The following ZNF253 variants were observed in gnomAD, a reference collection of about 807,000 sequenced individuals.
The protein encoded by ZNF253 is zinc finger protein 253, also known as DNA-binding protein.
Under a neutral mutation model 11.9 loss-of-function variants are expected in ZNF253, and 8 were observed. The observed-to-expected ratio is 0.67, with a 90% CI of 0.40 to 1.22. The LOEUF is 1.22. Ranked by LOEUF, ZNF253 falls within the 50% of genes most tolerant of loss-of-function variation. The pLI is 0.01. For synonymous variants in ZNF253, 194 were observed against 194.9 expected (o/e 1.00, Z 0.04); for missense variants, 485 against 586.9 (o/e 0.83, Z 1.79).
chr19:19,879,123 G>A (rs1275083895), intron 2 of ZNF253, among the ~76,000 whole-genome samples: 1 of 152,046 alleles, frequency 6.6e-6, no homozygotes, highest in Admixed American at 6.6e-5. Flanking sequence ...ATAGTATATT[G>A]CTACCATGTT....
chr19:19,878,409 A>G, intron 1 of ZNF253, 72 bp from the exon 2 acceptor site: 3 of 1,610,914 alleles, frequency 1.9e-6, no homozygotes, highest in Non-Finnish European at 2.5e-6. Context: ...TTACTCTCTA[A>G]TTTCACCTTA....
At chr19:19,886,779 T>C (rs1397510702) in intron 3 of ZNF253, among the ~76,000 whole-genome samples, 1 of 152,222 alleles carries the variant, frequency 6.6e-6, no homozygotes, top group African/African-American at 2.4e-5. Flanking sequence ...CTTTTTTCTT[T>C]ATAAATTATG....
chr19:19,867,182 A>C (rs2063115148), intron 1 of ZNF253, among the ~76,000 whole-genome samples: 1 of 152,156 alleles, frequency 6.6e-6, no homozygotes, highest in Non-Finnish European at 1.5e-5. Flanking sequence ...CTCTACTAAA[A>C]GTACAAAAAT....
At chr19:19,887,681 A>G (rs1444465459) in intron 3 of ZNF253, among the ~76,000 whole-genome samples, 1 of 152,010 alleles carries the variant, frequency 6.6e-6, no homozygotes, top group African/African-American at 2.4e-5. Flanking sequence ...ATTTACATGA[A>G]ATTTCTACTT....
rs559809697 is a variant in ZNF253 at position 19,894,310 on chromosome 19, A to G, written c.*1563A>G. 46 of 152,312 alleles carry G rather than the reference A, an allele frequency of 3.0e-4. No individual in the cohort carries two copies. The highest frequency in any genetic ancestry group is 1.2e-4 in the Non-Finnish European group (8 of 68,014). The allele number at this position is 152,312 out of a possible 1,614,324, so 9.4% of individuals were successfully genotyped here. On this transcript the variant is annotated 3_prime_UTR_variant, in exon 4 of 4. Coordinates refer to ENST00000589717, the MANE Select transcript of ZNF253 (RefSeq NM_021047.3). ...CTTTCACATTGCTTTATGCTATTTTATTCCTATTATATTCACATGTGAAAG... is the reference window on the plus strand; with the variant it reads ...CTTTCACATTGCTTTATGCTATTTTGTTCCTATTATATTCACATGTGAAAG...
At chr19:19,889,012 GTTATC>G (rs1409778313) in intron 3 of ZNF253, among the ~76,000 whole-genome samples, 1 of 151,942 alleles carries the variant, frequency 6.6e-6, no homozygotes, top group Non-Finnish European at 1.5e-5. Flanking sequence ...AAATTCACTG[GTTATC>G]TTATAAGACT....
chr19:19,874,063 C>A (rs1045070018), intron 1 of ZNF253, among the ~76,000 whole-genome samples: 6 of 152,100 alleles, frequency 3.9e-5, no homozygotes, highest in African/African-American at 1.4e-4. Flanking sequence ...TGCCCACCAC[C>A]ATGCCCAGCT....
rs181508243 is a variant in ZNF253, at chr19:19,883,473, A to G, written c.226+3327A>G. 2.1e-3 allele frequency among the ~76,000 whole-genome samples: 323 copies of G among 152,166 alleles called. 3 individuals carry two copies. The highest frequency in any genetic ancestry group is 7.4e-3 in the African/African-American group (306 of 41,520). ...AAAAAAAATTTAATAATAGCCAAGC[A>G]TGGTGGTGTGCACCTGTGGTCCCAG... On this transcript the variant is annotated intron_variant, in intron 3 of 3. Coordinates refer to ENST00000589717, the MANE Select transcript of ZNF253 (RefSeq NM_021047.3).
intron 3 of ZNF253, among the ~76,000 whole-genome samples, chr19:19,887,757 T>A (rs1015606191): frequency 4.7e-5 from 7 of 148,578 alleles, no homozygotes; most frequent in Non-Finnish European, 8.9e-5. Context: ...GCAAGTTGGA[T>A]CTTGATTTTT....
chr19:19,880,086 C>A lies in ZNF253; in HGVS notation c.166C>A (p.Leu56Met), dbSNP rs746287183. Residue 56 changes from leucine to methionine, a missense_variant, in exon 3 of 4, where the codon CTG becomes ATG. Coordinates refer to ENST00000589717, the MANE Select transcript of ZNF253 (RefSeq NM_021047.3). The stretch of plus-strand genomic sequence containing the variant: ...CTCTAAGCCAGACCTGGTTACCTGT[C>A]TGGAGCAAGGAAAAAAACCTTTAAC... ...VVSKPDLVTC[L>M]EQGKKPLTME... is the part of the protein sequence containing the mutation. The A allele has an allele frequency of 1.2e-6, 2 of 1,608,872 alleles. No homozygotes were observed. Among genetic ancestry groups the A allele is most frequent in the Non-Finnish European group, 1.7e-6 (2 of 1,177,954 alleles).
chr19:19,866,047 A>C (rs752765667), intron 1 of ZNF253, 48 bp downstream of exon 1: 6 of 1,613,816 alleles, frequency 3.7e-6, no homozygotes, highest in Non-Finnish European at 5.1e-6. Flanking sequence ...GCTGTTTGGA[A>C]CGGTGGGAAG....
chr19:19,865,840 GT>G, upstream of ZNF253: 1 of 970,804 alleles, frequency 1.0e-6, no homozygotes, highest in Non-Finnish European at 1.7e-6. Flanking sequence ...GAACCACATG[GT>G]TTCTGGGGGC....
chr19:19,892,226 C>G lies in ZNF253; in HGVS notation c.979C>G (p.Leu327Val), dbSNP rs1454163710. 2.5e-6 allele frequency: 4 copies of G among 1,613,736 alleles called. No homozygotes were observed. The highest frequency in any genetic ancestry group is 8.5e-7 in the Non-Finnish European group (1 of 1,179,920). Reference protein sequence around the residue: ...CGKSFKHCSNLTIHKRIHTGE... With the variant: ...CGKSFKHCSNVTIHKRIHTGE... ...CAAATCCTTTAAGCACTGCTCTAAC[C>G]TTACTATACATAAGAGAATTCATAC... The change falls in exon 4 of 4, where the codon CTT becomes GTT. Residue 327 changes from leucine to valine, a missense_variant. Coordinates refer to ENST00000589717, the MANE Select transcript of ZNF253 (RefSeq NM_021047.3).
Position 19,892,381 on chromosome 19 carries a change from C to T in ZNF253, c.1134C>T (p.Asn378=). Residue 378 remains asparagine, a synonymous_variant, in exon 4 of 4, where the codon AAC becomes AAT. Coordinates refer to ENST00000589717, the MANE Select transcript of ZNF253 (RefSeq NM_021047.3). ...GTAGAGAATGTGGCAAAGCTTTTAACCATTCCACAACCCTTTTTTCACATG... is the reference window on the plus strand; with the variant it reads ...GTAGAGAATGTGGCAAAGCTTTTAATCATTCCACAACCCTTTTTTCACATG... ...YRCRECGKAF[N]HSTTLFSHEK... is the part of the protein sequence containing the mutation. 2 of 1,613,772 alleles carry T rather than the reference C, an allele frequency of 1.2e-6. No individual in the cohort carries two copies. The highest frequency in any genetic ancestry group is 1.7e-6 in the Non-Finnish European group (2 of 1,179,948).
At chr19:19,877,504 T>C (rs1012706979) in intron 1 of ZNF253, among the ~76,000 whole-genome samples, 1 of 152,028 alleles carries the variant, frequency 6.6e-6, no homozygotes, top group African/African-American at 2.4e-5. Flanking sequence ...GCCTCCTGAG[T>C]AGCTGGGATT....
intron 1 of ZNF253, among the ~76,000 whole-genome samples, chr19:19,876,932 C>G (rs989498397): frequency 6.6e-6 from 1 of 152,078 alleles, no homozygotes; most frequent in South Asian, 2.1e-4. Flanking sequence ...TGCATCATAG[C>G]TTCTTATATG....
chr19:19,875,914 A>G (rs1341189940), intron 1 of ZNF253, among the ~76,000 whole-genome samples: 1 of 152,240 alleles, frequency 6.6e-6, no homozygotes, highest in Non-Finnish European at 1.5e-5. Flanking sequence ...GCTCTGTATC[A>G]TATTCTTGAG....
In ZNF253 at chr19:19,891,779, G is replaced by A; in HGVS notation, c.532G>A (p.Gly178Ser). The part of the protein sequence containing the change: ...GINLFKCIIC[G>S]KAFKRSSTLT... The stretch of plus-strand genomic sequence containing the variant: ...AAATCTTTTCAAATGTATAATATGT[G>A]GCAAAGCTTTTAAACGGTCCTCAAC... The change falls in exon 4 of 4, where the codon GGC becomes AGC. Residue 178 changes from glycine to serine, a missense_variant. Coordinates refer to ENST00000589717, the MANE Select transcript of ZNF253 (RefSeq NM_021047.3). 1 of 1,614,086 alleles carries A rather than the reference G, an allele frequency of 6.2e-7. No individual in the cohort carries two copies. The highest frequency in any genetic ancestry group is 1.1e-5 in the South Asian group (1 of 91,072).
rs779654603 is a variant in ZNF253, at chr19:19,892,074, T to C, written c.827T>C (p.Ile276Thr). Residue 276 changes from isoleucine to threonine, a missense_variant, in exon 4 of 4, where the codon ATA (isoleucine) becomes ACA (threonine). Transcript: ENST00000589717. ...TCCACAGACCTTACTACACATAAGA[T>C]AGTTCATACTGGAGAGAAACCCTAC... is the stretch of plus-strand genomic sequence containing the variant. ...NRSTDLTTHK[I>T]VHTGEKPYKC... 1 of 1,607,878 alleles carries C rather than the reference T, an allele frequency of 6.2e-7. No individual in the cohort carries two copies. Among genetic ancestry groups the C allele is most frequent in the Non-Finnish European group, 8.5e-7 (1 of 1,178,186 alleles).
Sources: allele counts gnomAD v4.1 joint callset (sites outside exome capture counted in the v4.1 genomes callset), GRCh38; gene constraint gnomAD v4.1.1; transcripts MANE v1.5; gene names NCBI Gene and HGNC (gene_info 2026-07-23, HGNC 2026-07-21).